CBR4: variants seen among roughly 807,000 people sequenced by gnomAD.
CBR4 encodes 3-oxoacyl-[acyl-carrier-protein] reductase.
CBR4 carries 22 observed loss-of-function variants against 21.0 expected under a neutral mutation model. The ratio of observed to expected loss-of-function variants is 1.05; its 90% confidence interval spans 0.75 to 1.50. The LOEUF is 1.50. Ranked by LOEUF, CBR4 falls within the 40% of genes most tolerant of loss-of-function variation. The pLI, the probability that CBR4 is intolerant of heterozygous loss-of-function variation, is 0.00. For missense variants in CBR4, 302 were observed against 286.3 expected (o/e 1.05, Z -0.40); for synonymous variants, 100 against 104.4 (o/e 0.96, Z 0.26).
intron 2 of CBR4, among the ~76,000 whole-genome samples, chr4:168,971,213 C>T (rs1578959258): frequency 6.6e-6 from 1 of 152,110 alleles, no homozygotes; most frequent in East Asian, 1.9e-4. Flanking sequence ...TTGCATTTCC[C>T]TGATAATTAG....
chr4:168,992,880 T>C (rs763946341), intron 4 of CBR4, among the ~76,000 whole-genome samples: 74 of 152,324 alleles, frequency 4.9e-4, no homozygotes, highest in Middle Eastern at 3.4e-3. Context: ...TAATTTTGTA[T>C]TATGTATGTT....
chr4:168,996,151 T>G (rs1292139639), intron 4 of CBR4, among the ~76,000 whole-genome samples: 1 of 152,212 alleles, frequency 6.6e-6, no homozygotes, highest in South Asian at 2.1e-4. Context: ...GGACAGCTGC[T>G]AGCCATCACT....
intron 2 of CBR4, chr4:168,898,456 G>T: frequency 7.6e-7 from 1 of 1,311,744 alleles, no homozygotes. Flanking sequence ...TTGTCAGAAG[G>T]GATTGAGTCT....
intron 2 of CBR4, among the ~76,000 whole-genome samples, chr4:168,965,364 T>C (rs952517035): frequency 6.6e-5 from 10 of 152,198 alleles, no homozygotes; most frequent in Non-Finnish European, 1.2e-4. Flanking sequence ...CCCATCAAGC[T>C]ACCACTGACT....
In CBR4 at chr4:168,933,012, C is replaced by T. The variant is rs140026010; in HGVS notation, n.170-38247G>A. Among the ~76,000 whole-genome samples the T allele has an allele frequency of 3.8e-3, 579 of 152,064 alleles. 4 individuals are homozygous for T. Among genetic ancestry groups the T allele is most frequent in the Non-Finnish European group, 6.0e-3 (406 of 67,966 alleles). On this transcript the variant is annotated intron_variant and non_coding_transcript_variant, in intron 2 of 3. Transcript: ENST00000509108. ...GAAATTATAAAATTCACTTGTAGAG[C>T]TGATATACAAAAGAGAAAGAGAAAG...
chr4:168,908,853 G>A (rs1002095076), intron 2 of CBR4, among the ~76,000 whole-genome samples: 2 of 152,118 alleles, frequency 1.3e-5, no homozygotes, highest in Non-Finnish European at 2.9e-5. Context: ...CAAGGAGGGA[G>A]GAAAATATTA....
chr4:168,921,392 A>T, intron 2 of CBR4: 1 of 565,750 alleles, frequency 1.8e-6, no homozygotes, highest in African/African-American at 2.6e-5. Flanking sequence ...GGGCAATAAG[A>T]GTGAAACTCT....
At chr4:168,921,087 A>G (rs1050014016) in intron 2 of CBR4, among the ~76,000 whole-genome samples, 5 of 152,246 alleles carry the variant, frequency 3.3e-5, no homozygotes, top group Admixed American at 3.3e-4. Flanking sequence ...GTTTTAAGCA[A>G]AAGAGTAACA....
intron 4 of CBR4, among the ~76,000 whole-genome samples, chr4:168,998,522 T>C (rs189606204): frequency 9.2e-5 from 14 of 152,216 alleles, no homozygotes; most frequent in Middle Eastern, 6.8e-3. Context: ...ACTGGGGAGA[T>C]TGGAAAGAAA....
chr4:168,905,557 G>A (rs545287549), intron 2 of CBR4, among the ~76,000 whole-genome samples: 2 of 152,062 alleles, frequency 1.3e-5, no homozygotes, highest in Non-Finnish European at 2.9e-5. Context: ...ATTAAGATCA[G>A]AATGAAAACA....
intron 2 of CBR4, among the ~76,000 whole-genome samples, chr4:168,902,644 G>C (rs1756780541): frequency 6.6e-6 from 1 of 152,070 alleles, no homozygotes; most frequent in African/African-American, 2.4e-5. Context: ...GCGAGACCCT[G>C]TCTCCAAAAC....
chr4:168,931,742 C>A (rs1295417532), intron 2 of CBR4, among the ~76,000 whole-genome samples: 1 of 152,162 alleles, frequency 6.6e-6, no homozygotes, highest in Non-Finnish European at 1.5e-5. Flanking sequence ...ATTTGAGAAA[C>A]AATCCAGTGA....
Position 168,989,980 on chromosome 4 carries a change from A to G in CBR4, c.*170T>C. The G allele has an allele frequency of 8.0e-7, 1 of 1,256,592 alleles. No individual in the cohort carries two copies. Among genetic ancestry groups the G allele is most frequent in the South Asian group, 3.3e-5 (1 of 30,080 alleles). 77.8% of individuals were successfully genotyped at this position (1,256,592 alleles called of 1,614,324 possible). On this transcript the variant is annotated 3_prime_UTR_variant, in exon 5 of 5. Transcript: ENST00000306193. ...TTAGACCAAAAAAAAAAAAACCACA[A>G]TTTGTCACACATTGTTCTTTTGAGA...
chr4:168,913,442 C>T (rs747901030), intron 2 of CBR4, among the ~76,000 whole-genome samples: 25 of 151,922 alleles, frequency 1.6e-4, no homozygotes, highest in Non-Finnish European at 4.4e-5. Context: ...CGGCCAGCCA[C>T]TAACATTTAA....
chr4:168,985,881 G>A (rs1381182229), downstream of CBR4, among the ~76,000 whole-genome samples: 1 of 152,048 alleles, frequency 6.6e-6, no homozygotes, highest in Non-Finnish European at 1.5e-5. Context: ...ACAAAAAAGG[G>A]AACAATACAC....
intron 2 of CBR4, among the ~76,000 whole-genome samples, chr4:168,951,247 T>A (rs1763532564): frequency 6.6e-6 from 1 of 152,112 alleles, no homozygotes; most frequent in East Asian, 1.9e-4. Context: ...TTAGTACAGA[T>A]GGGGTTTCAC....
chr4:168,990,159 G>A lies in CBR4; in HGVS notation c.705C>T (p.Leu235=), dbSNP rs752169666. 9 of 1,593,468 alleles carry A rather than the reference G, an allele frequency of 5.6e-6. No individual in the cohort carries two copies. The South Asian group carries it at 9.1e-5, about 16-fold the overall frequency. Residue 235 remains leucine, a synonymous_variant, in exon 5 of 5, where the codon CTC becomes CTT. Coordinates refer to ENST00000306193, the MANE Select transcript of CBR4 (RefSeq NM_032783.5). ...HVLVVDGGLQ[L]IL ...CTGAATAATCTGCAAATTACAAAAT[G>A]AGTTGTAATCCCCCATCCACTACCA...
Position 168,938,134 on chromosome 4 carries a change from T to C in CBR4, n.170-43369A>G, listed in dbSNP as rs1763164016. On this transcript the variant is annotated intron_variant and non_coding_transcript_variant, in intron 2 of 3. Coordinates refer to the CBR4 transcript ENST00000509108. ...CAGTCTGTCAGACCACAGTGCAATC[T>C]AATTAGAATTTAGGATTAAGAAACT... 2.6e-5 allele frequency among the ~76,000 whole-genome samples: 4 copies of C among 152,102 alleles called. No homozygotes were observed. The South Asian group carries it at 8.3e-4, about 32-fold the overall frequency.
rs1241624148 is a variant in CBR4, at chr4:168,987,983, T to C, written c.*2167A>G. Reference sequence around the variant, plus strand: ...TTTGTTAATGCTAAGCACAGAACCCTTATGGGCTCATAGGAGTCAGCAAAC... The same window carrying C: ...TTTGTTAATGCTAAGCACAGAACCCCTATGGGCTCATAGGAGTCAGCAAAC... On this transcript the variant is annotated 3_prime_UTR_variant, in exon 5 of 5. Coordinates refer to ENST00000306193, the MANE Select transcript of CBR4 (RefSeq NM_032783.5). 4 of 985,326 alleles carry C rather than the reference T, an allele frequency of 4.1e-6. No homozygotes were observed. Among genetic ancestry groups the C allele is most frequent in the Non-Finnish European group, 3.6e-6 (3 of 829,924 alleles). The allele number at this position is 985,326 out of a possible 1,614,324, so 61.0% of individuals were successfully genotyped here. A position where few individuals can be genotyped will look rare whatever the true frequency, so the allele number is the denominator to read the frequency against.
Sources: gnomAD v4.1 joint callset for allele counts (sites outside exome capture counted in the v4.1 genomes callset) on GRCh38, gnomAD v4.1.1 for gene constraint, MANE v1.5 for transcripts, NCBI Gene and HGNC (gene_info 2026-07-23, HGNC 2026-07-21) for gene names.